Variants in GRIN2B observed in about 807,000 individuals in gnomAD.
The protein encoded by GRIN2B is glutamate receptor ionotropic, NMDA 2B.
GRIN2B carries 5 observed loss-of-function variants against 114.5 expected under a neutral mutation model. The ratio of observed to expected loss-of-function variants is 0.04; its 90% CI spans 0.02 to 0.09. GRIN2B has a LOEUF of 0.09. Ranked by LOEUF, GRIN2B falls within the 10% of genes least tolerant of loss-of-function variation. The probability of loss-of-function intolerance (pLI) is 1.00; values close to 1 mark genes in which losing one functional copy is unlikely to be tolerated. For synonymous variants in GRIN2B, 787 were observed against 745.1 expected, an observed-to-expected ratio of 1.06 and a Z score of -0.92; for missense variants, 1,108 against 1,943.5, an observed-to-expected ratio of 0.57 and a Z score of 8.08.
At chr12:13,914,920 T>C (rs537360218) in intron 2 of GRIN2B, among the ~76,000 whole-genome samples, 15 of 151,904 alleles carry the variant, frequency 9.9e-5, no homozygotes, top group African/African-American at 2.9e-4. Context: ...CCAGGAAGGG[T>C]AGAGGAAAGA....
chr12:13,920,340 G>A (rs980486594), intron 2 of GRIN2B, among the ~76,000 whole-genome samples: 7 of 151,934 alleles, frequency 4.6e-5, no homozygotes, highest in East Asian at 1.9e-4. Flanking sequence ...ACTCACTTAC[G>A]CTTCTCACAG....
intron 3 of GRIN2B, among the ~76,000 whole-genome samples, chr12:13,839,695 G>C (rs78706738): frequency 6.6e-6 from 1 of 152,154 alleles, no homozygotes; most frequent in Non-Finnish European, 1.5e-5. Context: ...GTGACTGCAC[G>C]CCTCAGATTG....
intron 5 of GRIN2B, among the ~76,000 whole-genome samples, chr12:13,622,610 T>G (rs767360806): frequency 3.0e-4 from 46 of 151,608 alleles, no homozygotes; most frequent in Admixed American, 8.5e-4. Flanking sequence ...GGGTAATTTA[T>G]TTTTTTTTAA....
chr12:13,746,324 G>T (rs2110982), intron 4 of GRIN2B, among the ~76,000 whole-genome samples: 7 of 152,060 alleles, frequency 4.6e-5, no homozygotes, highest in Middle Eastern at 6.8e-3. Flanking sequence ...ATATACCTAT[G>T]ACCCGCTTTT....
chr12:13,912,121 T>TA (rs1210000760), intron 2 of GRIN2B, among the ~76,000 whole-genome samples: 1 of 152,046 alleles, frequency 6.6e-6, no homozygotes, highest in Non-Finnish European at 1.5e-5. Context: ...GACGGTTCCT[T>TA]AGTGCTTCCC....
At chr12:13,748,068 T>G (rs1565522737) in intron 4 of GRIN2B, among the ~76,000 whole-genome samples, 1 of 152,214 alleles carries the variant, frequency 6.6e-6, no homozygotes, top group African/African-American at 2.4e-5. Context: ...AAAGTCACTC[T>G]TCCCCATCCC....
chr12:13,931,820 T>C (rs1591628384), intron 2 of GRIN2B, among the ~76,000 whole-genome samples: 1 of 152,284 alleles, frequency 6.6e-6, no homozygotes, highest in Admixed American at 6.5e-5. Context: ...CCTCCGCAAG[T>C]TAAGTCAGCT....
At chr12:13,831,691 C>A (rs1865150284) in intron 3 of GRIN2B, among the ~76,000 whole-genome samples, 1 of 152,230 alleles carries the variant, frequency 6.6e-6, no homozygotes, top group African/African-American at 2.4e-5. Flanking sequence ...CCCTCTAGAC[C>A]AATGTCATAG....
chr12:13,743,589 A>T (rs946346366), intron 4 of GRIN2B, among the ~76,000 whole-genome samples: 1 of 151,918 alleles, frequency 6.6e-6, no homozygotes, highest in Non-Finnish European at 1.5e-5. Flanking sequence ...TGCCTGAAAG[A>T]TTTTTTTTCA....
chr12:13,645,887 G>C (rs1395446526), intron 5 of GRIN2B, among the ~76,000 whole-genome samples: 1 of 152,062 alleles, frequency 6.6e-6, no homozygotes. Flanking sequence ...AAGAGAAGGG[G>C]GTGACTCTTA....
chr12:13,720,438 T>G (rs1248962270), intron 4 of GRIN2B, among the ~76,000 whole-genome samples: 1 of 152,088 alleles, frequency 6.6e-6, no homozygotes, highest in Non-Finnish European at 1.5e-5. Flanking sequence ...AGGAAAGCAT[T>G]TAATTCAGCG....
intron 2 of GRIN2B, among the ~76,000 whole-genome samples, chr12:13,892,890 C>T (rs1002091299): frequency 6.6e-6 from 1 of 152,120 alleles, no homozygotes; most frequent in Admixed American, 6.6e-5. Flanking sequence ...TTGTTCTAAA[C>T]GTGAATTCAC....
At chr12:13,936,404 T>C (rs1416464644) in intron 2 of GRIN2B, among the ~76,000 whole-genome samples, 2 of 152,170 alleles carry the variant, frequency 1.3e-5, no homozygotes, top group Admixed American at 1.3e-4. Context: ...AGTCTCACCC[T>C]AATAAAGACT....
chr12:13,871,236 GTACA>G (rs1224102982), intron 2 of GRIN2B, among the ~76,000 whole-genome samples: 1 of 151,712 alleles, frequency 6.6e-6, no homozygotes, highest in African/African-American at 2.4e-5. Context: ...TTCTTTTTAA[GTACA>G]TACATGAAAA....
chr12:13,608,993 C>G (rs1949324460), intron 9 of GRIN2B, among the ~76,000 whole-genome samples, 161 bp from the exon 10 acceptor site: 1 of 151,212 alleles, frequency 6.6e-6, no homozygotes, highest in African/African-American at 2.4e-5. Flanking sequence ...GTGTATCTCT[C>G]TTTTCCAGGG....
intron 2 of GRIN2B, among the ~76,000 whole-genome samples, chr12:13,897,571 G>A (rs1437413286): frequency 6.6e-6 from 1 of 152,074 alleles, no homozygotes; most frequent in Non-Finnish European, 1.5e-5. Flanking sequence ...CCAATGAGTC[G>A]AGAGCCCTTA....
intron 3 of GRIN2B, among the ~76,000 whole-genome samples, chr12:13,859,072 G>A (rs11055648): frequency 0.11 from 17,417 of 152,184 alleles, 1,147 homozygotes; most frequent in South Asian, 0.18. Context: ...GGTACATTGC[G>A]TCATAAGGCT....
rs1948439452 is a variant in GRIN2B, at chr12:13,553,317, A to G, written c.*9466T>C. 6.6e-6 allele frequency: 1 copy of G among 152,134 alleles called. No homozygotes were observed. Among genetic ancestry groups the G allele is most frequent in the Non-Finnish European group, 1.5e-5 (1 of 68,034 alleles). 9.4% of individuals were successfully genotyped at this position (152,134 alleles called of 1,614,324 possible). A position where few individuals can be genotyped will look rare whatever the true frequency, so the allele number is the denominator to read the frequency against. ...AATGAATCCCTTTATATTTACAGAG[A>G]AAGGAGTAGTTTAGAGACTAGCATT... is the stretch of plus-strand genomic sequence containing the variant. On this transcript the variant is annotated 3_prime_UTR_variant, in exon 14 of 14. Transcript: ENST00000609686.
At position 13,693,847 on chromosome 12, in the gene GRIN2B, T is replaced by A. The variant is rs116732183; in HGVS notation, c.1011-17988A>T. Among the ~76,000 whole-genome samples the A allele has an allele frequency of 8.0e-3, 1,214 of 152,188 alleles. 24 individuals are homozygous for A. The highest frequency in any genetic ancestry group is 0.027 in the African/African-American group (1,132 of 41,510). ...AGCAGCATCACACCTGTTAGAGAGCTGCTCCCAGGGCACTTATGAGACCAG... is the reference window on the plus strand; with the variant it reads ...AGCAGCATCACACCTGTTAGAGAGCAGCTCCCAGGGCACTTATGAGACCAG... On this transcript the variant is annotated intron_variant, in intron 4 of 13. Coordinates refer to ENST00000609686, the MANE Select transcript of GRIN2B (RefSeq NM_000834.5).
Sources: gnomAD v4.1 joint callset for allele counts (sites outside exome capture counted in the v4.1 genomes callset) on GRCh38, gnomAD v4.1.1 for gene constraint, MANE v1.5 for transcripts, NCBI Gene and HGNC (gene_info 2026-07-23, HGNC 2026-07-21) for gene names.